PABPC4L: variants seen among roughly 807,000 people sequenced by gnomAD.
PABPC4L encodes poly(A) binding protein cytoplasmic 4 like, also known as polyadenylate-binding protein 4-like.
For synonymous variants in PABPC4L, 169 were observed against 164.1 expected, an observed-to-expected ratio of 1.03 and a Z score of -0.23; for missense variants, 452 against 451.4, an observed-to-expected ratio of 1.00 and a Z score of -0.01.
the PABPC4L span, among the ~76,000 whole-genome samples, chr4:134,177,102 C>T: frequency 6.6e-6 from 1 of 151,964 alleles, no homozygotes; most frequent in African/African-American, 2.4e-5. Context: ...CCTGCCCACT[C>T]CTGCCACACC....
chr4:134,190,160 G>A, the PABPC4L span, among the ~76,000 whole-genome samples: 1 of 152,118 alleles, frequency 6.6e-6, no homozygotes, highest in East Asian at 1.9e-4. Flanking sequence ...TTACCATACA[G>A]GTTTCTGCTT....
the PABPC4L span, among the ~76,000 whole-genome samples, chr4:134,050,706 C>CAAAAAAAA: frequency 1.7e-3 from 142 of 82,934 alleles, 1 homozygote; most frequent in African/African-American, 4.7e-3. Flanking sequence ...CACCGTCTCC[C>CAAAAAAAA]AAAAAAAAAA....
At chr4:134,157,569 C>A in the PABPC4L span, among the ~76,000 whole-genome samples, 4 of 151,748 alleles carry the variant, frequency 2.6e-5, no homozygotes, top group African/African-American at 9.6e-5. Context: ...TTACTATTGG[C>A]ATAAAAATTA....
At chr4:134,045,046 GT>G in the PABPC4L span, among the ~76,000 whole-genome samples, 2 of 152,152 alleles carry the variant, frequency 1.3e-5, no homozygotes, top group South Asian at 4.2e-4. Flanking sequence ...TCCAAGGACA[GT>G]TTTATTTTAT....
At chr4:133,985,765 T>G in the PABPC4L span, among the ~76,000 whole-genome samples, 27,127 of 152,032 alleles carry the variant, frequency 0.18, 3,056 homozygotes, top group Middle Eastern at 0.25. Flanking sequence ...TAATAAATTA[T>G]TCTTGAATCC....
chr4:134,100,953 C>G, the PABPC4L span, among the ~76,000 whole-genome samples: 1 of 151,450 alleles, frequency 6.6e-6, no homozygotes, highest in Non-Finnish European at 1.5e-5. Flanking sequence ...GATGTATTTT[C>G]TTTCATTTGC....
chr4:134,017,894 C>T, the PABPC4L span, among the ~76,000 whole-genome samples: 2 of 152,004 alleles, frequency 1.3e-5, no homozygotes, highest in African/African-American at 2.4e-5. Flanking sequence ...TCTCTCCATA[C>T]CACCCCCCAA....
the PABPC4L span, among the ~76,000 whole-genome samples, chr4:134,080,376 G>A: frequency 2.0e-5 from 3 of 152,174 alleles, no homozygotes; most frequent in South Asian, 4.2e-4. Flanking sequence ...ATTTGCATTT[G>A]GCACTTTATC....
chr4:134,079,602 A>AAC, the PABPC4L span, among the ~76,000 whole-genome samples: 1 of 145,706 alleles, frequency 6.9e-6, no homozygotes, highest in Non-Finnish European at 1.5e-5. Context: ...AAAAAAAAAA[A>AAC]AAAAAAAAAC....
At chr4:134,117,136 C>T in the PABPC4L span, among the ~76,000 whole-genome samples, 1 of 151,628 alleles carries the variant, frequency 6.6e-6, no homozygotes, top group Non-Finnish European at 1.5e-5. Flanking sequence ...ATAGCCATGA[C>T]AGTATCTCCC....
chr4:134,005,484 A>C, the PABPC4L span, among the ~76,000 whole-genome samples: 1 of 151,926 alleles, frequency 6.6e-6, no homozygotes, highest in Non-Finnish European at 1.5e-5. Context: ...ATGGATTAGT[A>C]TAAGGCAAAA....
At chr4:134,037,789 C>G in the PABPC4L span, among the ~76,000 whole-genome samples, 3 of 152,068 alleles carry the variant, frequency 2.0e-5, no homozygotes, top group Non-Finnish European at 4.4e-5. Context: ...TTGACTTCCT[C>G]TTTTCCTAAT....
chr4:134,027,427 T>C, the PABPC4L span, among the ~76,000 whole-genome samples: 1 of 152,260 alleles, frequency 6.6e-6, no homozygotes, highest in African/African-American at 2.4e-5. Context: ...TTTTTAAGGA[T>C]GATCAGTATT....
chr4:134,117,675 CA>C, the PABPC4L span, among the ~76,000 whole-genome samples: 1 of 151,644 alleles, frequency 6.6e-6, no homozygotes, highest in Non-Finnish European at 1.5e-5. Flanking sequence ...GCTAAGGTCA[CA>C]AGCATGAATG....
the PABPC4L span, among the ~76,000 whole-genome samples, chr4:133,988,397 T>TA: frequency 1.3e-5 from 2 of 152,250 alleles, no homozygotes; most frequent in East Asian, 3.9e-4. Context: ...AGGTATTGGG[T>TA]AAATACATCC....
the PABPC4L span, among the ~76,000 whole-genome samples, chr4:134,071,334 A>G: frequency 6.6e-6 from 1 of 151,874 alleles, no homozygotes. Context: ...AGTCTTCCTT[A>G]TGTACCAGTC....
chr4:133,948,633 T>A, the PABPC4L span, among the ~76,000 whole-genome samples: 1 of 152,194 alleles, frequency 6.6e-6, no homozygotes, highest in Non-Finnish European at 1.5e-5. Flanking sequence ...CTTTTGCAAG[T>A]CTTATTTCCC....
At chr4:134,037,361 T>C in the PABPC4L span, among the ~76,000 whole-genome samples, 1 of 152,116 alleles carries the variant, frequency 6.6e-6, no homozygotes. Context: ...ATCTTCCAGG[T>C]CTTTGGTTAA....
At chr4:134,091,351 T>A in the PABPC4L span, among the ~76,000 whole-genome samples, 2 of 151,954 alleles carry the variant, frequency 1.3e-5, no homozygotes, top group African/African-American at 4.8e-5. Context: ...GTTCTATAAA[T>A]CCCTGCCATA....
Sources: allele counts gnomAD v4.1 joint callset (sites outside exome capture counted in the v4.1 genomes callset), GRCh38; gene constraint gnomAD v4.1.1; transcripts MANE v1.5; gene names NCBI Gene and HGNC (gene_info 2026-07-23, HGNC 2026-07-21).